Variants in PFDN2 observed in about 807,000 individuals in gnomAD.
PFDN2 encodes the protein prefoldin 2.
PFDN2 carries 7 observed loss-of-function variants against 18.3 expected under a neutral mutation model. The observed-to-expected ratio is 0.38, with a 90% CI of 0.22 to 0.72. The LOEUF (loss-of-function observed/expected upper bound fraction) is 0.72. Among genes scored for constraint, PFDN2 ranks in the 30% least tolerant of loss-of-function variants. PFDN2 has a pLI of 0.47. For synonymous variants in PFDN2, 76 were observed against 75.0 expected, an observed-to-expected ratio of 1.01 and a Z score of -0.07; for missense variants, 181 against 199.1, an observed-to-expected ratio of 0.91 and a Z score of 0.55.
chr1:161,117,810 A>G, intron 1 of PFDN2, 142 bp downstream of exon 1: 2 of 740,294 alleles, frequency 2.7e-6, no homozygotes, highest in Non-Finnish European at 4.3e-6. Flanking sequence ...GGGTTCGGCT[A>G]GCTTTTCCGG....
intron 1 of PFDN2, among the ~76,000 whole-genome samples, chr1:161,107,441 A>C (rs1163069527): frequency 6.6e-6 from 1 of 151,842 alleles, no homozygotes; most frequent in African/African-American, 2.4e-5. Context: ...AAAAAAAAAA[A>C]AAAAAGCTTA....
chr1:161,104,546 G>C (rs748974991), intron 1 of PFDN2, among the ~76,000 whole-genome samples: 4 of 151,036 alleles, frequency 2.6e-5, no homozygotes, highest in Non-Finnish European at 4.4e-5. Context: ...CTGGGCTCTA[G>C]TGATCTTCCT....
intron 1 of PFDN2, among the ~76,000 whole-genome samples, chr1:161,103,581 C>A (rs901891749): frequency 6.8e-6 from 1 of 147,482 alleles, no homozygotes; most frequent in Non-Finnish European, 1.5e-5. Context: ...CCCAGCTACT[C>A]AGCAGAGGCA....
chr1:161,116,101 C>T (rs1313269853), intron 1 of PFDN2, among the ~76,000 whole-genome samples: 1 of 152,164 alleles, frequency 6.6e-6, no homozygotes, highest in Non-Finnish European at 1.5e-5. Context: ...ATGGCTTATG[C>T]CTATAGTCCC....
rs186952813 is a variant in PFDN2, at chr1:161,107,691, T to G, written c.76-5316A>C. ...TTAGCCGGGCGTGGTGGTGCACACC[T>G]GTAGTCCCAGCAACTTGGGAGGCTG... On this transcript the variant is annotated intron_variant, in intron 1 of 3. Transcript: ENST00000368010. Among the ~76,000 whole-genome samples the G allele has an allele frequency of 1.1e-4, 16 of 148,752 alleles. No individual in the cohort carries two copies. The East Asian group carries it at 3.2e-3, about 30-fold the overall frequency.
intron 1 of PFDN2, among the ~76,000 whole-genome samples, chr1:161,105,489 G>C (rs1405786952): frequency 2.6e-5 from 4 of 151,252 alleles, no homozygotes; most frequent in Non-Finnish European, 5.9e-5. Flanking sequence ...GAGGAGTCTT[G>C]CTCTGTCGCC....
chr1:161,118,034 G>A lies in PFDN2; in HGVS notation c.-8C>T, dbSNP rs1157309674. The A allele has an allele frequency of 1.1e-5, 18 of 1,610,414 alleles. No individual in the cohort carries two copies. Among genetic ancestry groups the A allele is most frequent in the Non-Finnish European group, 1.4e-5 (17 of 1,178,854 alleles). ...ACCGCTGTTCTCCGCCATCTTCGCC[G>A]CCTGCTGGGTTTCCGGCCGGCGCAG... On this transcript the variant is annotated 5_prime_UTR_variant, in exon 1 of 4. Coordinates refer to ENST00000368010, the MANE Select transcript of PFDN2 (RefSeq NM_012394.4).
At chr1:161,101,866 G>A (rs1332918819) in intron 3 of PFDN2, among the ~76,000 whole-genome samples, 182 bp downstream of exon 3, 2 of 152,142 alleles carry the variant, frequency 1.3e-5, no homozygotes, top group Non-Finnish European at 2.9e-5. Context: ...TGAGTAGCTG[G>A]GACTACAGGC....
At chr1:161,109,946 C>T (rs1389926142) in intron 1 of PFDN2, among the ~76,000 whole-genome samples, 1 of 151,576 alleles carries the variant, frequency 6.6e-6, no homozygotes, top group African/African-American at 2.4e-5. Context: ...CCCAGTTACT[C>T]GGGAGGCTGA....
chr1:161,115,845 A>C (rs924926230), intron 1 of PFDN2, among the ~76,000 whole-genome samples: 4 of 152,166 alleles, frequency 2.6e-5, no homozygotes, highest in African/African-American at 9.7e-5. Context: ...GGGGTCTTGG[A>C]ATATGTCCCC....
chr1:161,110,965 G>A (rs552773503), intron 1 of PFDN2, among the ~76,000 whole-genome samples: 44 of 146,732 alleles, frequency 3.0e-4, no homozygotes, highest in African/African-American at 9.9e-4. Context: ...TCAGCCTCCC[G>A]AGTAGGTGGG....
rs781295624 is a variant in PFDN2 at position 161,117,993 on chromosome 1, T to A, written c.34A>T (p.Ser12Cys). Reference sequence around the variant, plus strand: ...GCCCCCTTCCCCGCGCCGCTCCCGCTGCTCTTGCCGGCGCGACCGCTGTTC... The same window carrying A: ...GCCCCCTTCCCCGCGCCGCTCCCGCAGCTCTTGCCGGCGCGACCGCTGTTC... ...AENSGRAGKS[S>C]GSGAGKGAVS... The change falls in exon 1 of 4, where the codon AGC becomes TGC. Residue 12 changes from serine (S) to cysteine (C), a missense_variant. Physicochemically the swap from Ser to Cys is moderately radical, Grantham distance 112. Coordinates refer to ENST00000368010, the MANE Select transcript of PFDN2 (RefSeq NM_012394.4). 4 of 1,612,742 alleles carry A rather than the reference T, an allele frequency of 2.5e-6. No individual in the cohort carries two copies. Among genetic ancestry groups the A allele is most frequent in the South Asian group, 1.1e-5 (1 of 90,980 alleles).
At position 161,112,806 on chromosome 1, in the gene PFDN2, T is replaced by A. The variant is rs974215927; in HGVS notation, c.75+5146A>T. ...TAATTTAATCTTCCTAACACTTAGA[T>A]GACATAGAAAAATGTTCAACATATA... On this transcript the variant is annotated intron_variant, in intron 1 of 3. Transcript: ENST00000368010. Among the ~76,000 whole-genome samples the A allele has an allele frequency of 2.0e-5, 3 of 151,982 alleles. No homozygotes were observed. The South Asian group carries it at 6.2e-4, about 31-fold the overall frequency.
chr1:161,116,314 G>A (rs1233873055), intron 1 of PFDN2, among the ~76,000 whole-genome samples: 2 of 152,090 alleles, frequency 1.3e-5, no homozygotes, highest in African/African-American at 4.8e-5. Context: ...TCAGGAGTTC[G>A]AGACCAGCTT....
intron 1 of PFDN2, among the ~76,000 whole-genome samples, chr1:161,104,635 C>A (rs1260392147): frequency 6.6e-6 from 1 of 151,918 alleles, no homozygotes; most frequent in Non-Finnish European, 1.5e-5. Flanking sequence ...TACTATGTTG[C>A]TCAGGCTGGT....
At position 161,108,139 on chromosome 1, in the gene PFDN2, A is replaced by C. The variant is rs1654724208; in HGVS notation, c.76-5764T>G. On this transcript the variant is annotated intron_variant, in intron 1 of 3. Coordinates refer to ENST00000368010, the MANE Select transcript of PFDN2 (RefSeq NM_012394.4). ...CAAAAAAAAAAACAAAAACAAAAAC[A>C]AAAATAAAAATTAAAAAAAAAAAAA... Among the ~76,000 whole-genome samples, 4 of 148,898 alleles carry C rather than the reference A, an allele frequency of 2.7e-5. No homozygotes were observed. The South Asian group carries it at 8.5e-4, about 32-fold the overall frequency.
At position 161,117,985 on chromosome 1, in the gene PFDN2, G is replaced by A. The variant is rs375173230; in HGVS notation, c.42C>T (p.Ser14=). ...NSGRAGKSSG[S]GAGKGAVSAE... is the part of the protein sequence containing the mutation. ...CGGACACCGCCCCCTTCCCCGCGCC[G>A]CTCCCGCTGCTCTTGCCGGCGCGAC... The change falls in exon 1 of 4, where the codon AGC becomes AGT. Residue 14 remains serine, a synonymous_variant. Coordinates refer to ENST00000368010, the MANE Select transcript of PFDN2 (RefSeq NM_012394.4). 6.2e-6 allele frequency: 10 copies of A among 1,612,268 alleles called. No homozygotes were observed. Among genetic ancestry groups the A allele is most frequent in the African/African-American group, 1.3e-5 (1 of 74,832 alleles).
At chr1:161,108,227 C>A (rs1345036683) in intron 1 of PFDN2, among the ~76,000 whole-genome samples, 2 of 150,240 alleles carry the variant, frequency 1.3e-5, no homozygotes, top group African/African-American at 4.9e-5. Flanking sequence ...CCAAGGCCAG[C>A]AGATCATTTG....
intron 1 of PFDN2, among the ~76,000 whole-genome samples, chr1:161,115,753 A>G (rs531742688): frequency 1.3e-5 from 2 of 152,214 alleles, no homozygotes; most frequent in Non-Finnish European, 2.9e-5. Flanking sequence ...TAGTTACTGC[A>G]CCTATTATAT....
Sources: allele counts gnomAD v4.1 joint callset (sites outside exome capture counted in the v4.1 genomes callset), GRCh38; gene constraint gnomAD v4.1.1; transcripts MANE v1.5; gene names NCBI Gene and HGNC (gene_info 2026-07-23, HGNC 2026-07-21).